The following VAV3 variants were observed in gnomAD, a reference collection of about 807,000 sequenced individuals.
VAV3 encodes guanine nucleotide exchange factor VAV3.
In VAV3, 94 loss-of-function variants were observed where a neutral mutation model predicts 131.2. That is an observed-to-expected ratio of 0.72 (90% CI 0.61 to 0.85). The LOEUF is 0.85. Ranked by LOEUF, VAV3 falls within the 40% of genes least tolerant of loss-of-function variation. VAV3 has a pLI of 0.00. For synonymous variants in VAV3, 349 were observed against 342.0 expected, an observed-to-expected ratio of 1.02 and a Z score of -0.22; for missense variants, 939 against 1,002.7, an observed-to-expected ratio of 0.94 and a Z score of 0.86.
intron 1 of VAV3, among the ~76,000 whole-genome samples, chr1:107,912,205 TAAC>T (rs1359526570): frequency 4.6e-5 from 7 of 152,172 alleles, no homozygotes; most frequent in Non-Finnish European, 5.9e-5. Flanking sequence ...CACAAAAAAA[TAAC>T]AACTTCAAAG....
intron 1 of VAV3, among the ~76,000 whole-genome samples, chr1:107,911,856 A>G (rs1193109500): frequency 1.3e-5 from 2 of 152,250 alleles, no homozygotes; most frequent in Non-Finnish European, 2.9e-5. Context: ...GGTCCTTTAG[A>G]TTCCTCTGTC....
chr1:107,632,864 T>A (rs959324304), intron 20 of VAV3, among the ~76,000 whole-genome samples: 2 of 152,232 alleles, frequency 1.3e-5, no homozygotes, highest in African/African-American at 4.8e-5. Context: ...CATACCCATA[T>A]ATATTGTCAT....
chr1:107,721,559 A>G (rs185173035), intron 15 of VAV3, among the ~76,000 whole-genome samples: 5 of 152,318 alleles, frequency 3.3e-5, no homozygotes, highest in South Asian at 2.1e-4. Flanking sequence ...AACACATCAG[A>G]CACTTCGGAA....
intron 25 of VAV3, among the ~76,000 whole-genome samples, chr1:107,583,304 A>T (rs1055288327): frequency 6.6e-6 from 1 of 152,340 alleles, no homozygotes; most frequent in East Asian, 1.9e-4. Flanking sequence ...CCAAGATCAT[A>T]CTGAATGCGA....
At chr1:107,682,117 T>C (rs564222116) in intron 19 of VAV3, among the ~76,000 whole-genome samples, 5 of 152,326 alleles carry the variant, frequency 3.3e-5, no homozygotes, top group African/African-American at 1.2e-4. Context: ...ATCTGTTTTA[T>C]TGTTGTTCTA....
chr1:107,779,399 C>T, intron 3 of VAV3, 35 bp downstream of exon 3: 1 of 1,558,400 alleles, frequency 6.4e-7, no homozygotes. Flanking sequence ...ACACTGAACT[C>T]AATGGGACAC....
intron 20 of VAV3, among the ~76,000 whole-genome samples, chr1:107,625,650 G>T (rs1204851676): frequency 1.3e-5 from 2 of 152,192 alleles, no homozygotes; most frequent in Non-Finnish European, 2.9e-5. Context: ...GTGTGAAGCG[G>T]TCTATTTTCC....
chr1:107,663,579 A>G (rs2101635646), intron 19 of VAV3, among the ~76,000 whole-genome samples: 1 of 152,356 alleles, frequency 6.6e-6, no homozygotes, highest in African/African-American at 2.4e-5. Flanking sequence ...TACATGCCAC[A>G]TGATTCAAGA....
chr1:107,864,716 G>T (rs1175665229), intron 2 of VAV3, among the ~76,000 whole-genome samples: 2 of 152,190 alleles, frequency 1.3e-5, no homozygotes, highest in Non-Finnish European at 2.9e-5. Flanking sequence ...TTCCCAGTCT[G>T]TCTAAAGTGG....
chr1:107,807,527 G>A (rs1363117528), intron 2 of VAV3, among the ~76,000 whole-genome samples: 2 of 152,180 alleles, frequency 1.3e-5, no homozygotes, highest in Non-Finnish European at 2.9e-5. Context: ...ACAAGAGCAG[G>A]GTCGTAGTGC....
At chr1:107,609,799 T>C in intron 22 of VAV3, 132 bp downstream of exon 22, 1 of 879,740 alleles carries the variant, frequency 1.1e-6, no homozygotes, top group East Asian at 2.5e-5. Flanking sequence ...TATGGTGTTT[T>C]GTTACATCTG....
chr1:107,591,142 TG>T (rs1650919869), intron 25 of VAV3, among the ~76,000 whole-genome samples: 1 of 152,124 alleles, frequency 6.6e-6, no homozygotes, highest in Non-Finnish European at 1.5e-5. Flanking sequence ...CCCCACACCC[TG>T]TCAGCTCTTG....
chr1:107,813,561 T>C (rs1188765253), intron 2 of VAV3, among the ~76,000 whole-genome samples: 1 of 152,242 alleles, frequency 6.6e-6, no homozygotes, highest in Non-Finnish European at 1.5e-5. Context: ...CAAACCATGG[T>C]ATTTATAATA....
In VAV3 at chr1:107,671,094, G is replaced by A. The variant is rs150614326; in HGVS notation, c.1777+12394C>T. The stretch of plus-strand genomic sequence containing the variant: ...CTATAATGTTAGGCCTATAATGGTA[G>A]GTGGAGGTAGAGAAATATATGTACA... On this transcript the variant is annotated intron_variant, in intron 19 of 26. Coordinates refer to ENST00000370056, the MANE Select transcript of VAV3 (RefSeq NM_006113.5). Among the ~76,000 whole-genome samples the A allele has an allele frequency of 7.9e-3, 1,201 of 152,280 alleles. 15 individuals carry two copies. Among genetic ancestry groups the A allele is most frequent in the African/African-American group, 0.027 (1,136 of 41,556 alleles).
At chr1:107,771,902 C>T (rs959888773) in intron 5 of VAV3, among the ~76,000 whole-genome samples, 1 of 152,188 alleles carries the variant, frequency 6.6e-6, no homozygotes. Context: ...AATGGTTAAA[C>T]CACACTTGCG....
intron 2 of VAV3, among the ~76,000 whole-genome samples, chr1:107,784,429 C>T (rs572923537): frequency 2.6e-5 from 4 of 152,258 alleles, no homozygotes; most frequent in African/African-American, 9.6e-5. Context: ...GCAAAATCTG[C>T]AATTATTTTT....
intron 25 of VAV3, among the ~76,000 whole-genome samples, chr1:107,586,016 T>C (rs1650457997): frequency 6.6e-6 from 1 of 152,172 alleles, no homozygotes; most frequent in Non-Finnish European, 1.5e-5. Flanking sequence ...ATGAACCAGC[T>C]TTCTGCTACG....
intron 1 of VAV3, among the ~76,000 whole-genome samples, chr1:107,957,355 C>T (rs186524476): frequency 1.9e-3 from 282 of 152,272 alleles, no homozygotes; most frequent in Admixed American, 3.9e-3. Flanking sequence ...CAGTACCAGT[C>T]CTGCTCACGC....
chr1:107,829,757 T>C (rs1668165956), intron 2 of VAV3, among the ~76,000 whole-genome samples: 1 of 152,128 alleles, frequency 6.6e-6, no homozygotes. Context: ...AAAAACAATA[T>C]TTACAATGTC....
Sources: gnomAD v4.1 joint callset for allele counts (sites outside exome capture counted in the v4.1 genomes callset) on GRCh38, gnomAD v4.1.1 for gene constraint, MANE v1.5 for transcripts, NCBI Gene and HGNC (gene_info 2026-07-23, HGNC 2026-07-21) for gene names.